MSI2: variants seen among roughly 807,000 people sequenced by gnomAD.
MSI2 encodes the protein musashi RNA binding protein 2, also known as RNA-binding protein Musashi homolog 2.
In MSI2, 17 loss-of-function variants were observed where a neutral mutation model predicts 45.6. That is an observed-to-expected ratio of 0.37 (90% CI 0.26 to 0.56). The LOEUF is 0.56. Among genes scored for constraint, MSI2 ranks in the 20% least tolerant of loss-of-function variants. The pLI, the probability that MSI2 is intolerant of heterozygous loss-of-function variation, is 0.77. For missense variants in MSI2, 293 were observed against 444.2 expected (o/e 0.66, Z 3.06); for synonymous variants, 156 against 158.2 (o/e 0.99, Z 0.11).
At chr17:57,545,261 C>T (rs999305191) in intron 7 of MSI2, among the ~76,000 whole-genome samples, 8 of 152,090 alleles carry the variant, frequency 5.3e-5, no homozygotes, top group African/African-American at 1.7e-4. Context: ...GTGAATTGAA[C>T]AGACAAAGAT....
chr17:57,351,002 G>A (rs747874005), intron 5 of MSI2, among the ~76,000 whole-genome samples: 52 of 152,230 alleles, frequency 3.4e-4, no homozygotes, highest in African/African-American at 9.6e-4. Context: ...AGGGGCAAGA[G>A]GAGGGAGCAG....
chr17:57,437,286 C>A (rs2084707426), intron 6 of MSI2, among the ~76,000 whole-genome samples: 1 of 152,076 alleles, frequency 6.6e-6, no homozygotes, highest in Non-Finnish European at 1.5e-5. Context: ...CCCTTTGGAA[C>A]AAAATGAAGT....
chr17:57,652,883 A>G lies in MSI2; in HGVS notation c.790+722A>G, dbSNP rs1911276175. On this transcript the variant is annotated intron_variant, in intron 11 of 13. Transcript: ENST00000284073. This position sits in a 1 kb window ranked among gnomAD's most constrained non-coding sequence, Gnocchi z 4.1. ...GTCAGGCCAGAGCTGGGATATGTCCAGGGTGCCCGGGGTCCCTTTTGTCCC... is the reference window on the plus strand; with the variant it reads ...GTCAGGCCAGAGCTGGGATATGTCCGGGGTGCCCGGGGTCCCTTTTGTCCC... Among the ~76,000 whole-genome samples the G allele has an allele frequency of 6.6e-6, 1 of 152,202 alleles. No homozygotes were observed. Among genetic ancestry groups the G allele is most frequent in the African/African-American group, 2.4e-5 (1 of 41,454 alleles).
At chr17:57,553,675 G>T (rs1443251647) in intron 7 of MSI2, among the ~76,000 whole-genome samples, 1 of 152,188 alleles carries the variant, frequency 6.6e-6, no homozygotes, top group Non-Finnish European at 1.5e-5. Context: ...GCAGAGAGGA[G>T]GGTGCACGGG....
intron 7 of MSI2, among the ~76,000 whole-genome samples, chr17:57,537,277 C>T (rs925213090): frequency 2.0e-5 from 3 of 152,086 alleles, no homozygotes; most frequent in Non-Finnish European, 2.9e-5. Flanking sequence ...TGCTGCGTGC[C>T]CACCGTGAGG....
chr17:57,403,139 T>G (rs912712486), intron 6 of MSI2, among the ~76,000 whole-genome samples: 2 of 152,220 alleles, frequency 1.3e-5, no homozygotes, highest in Non-Finnish European at 2.9e-5. Flanking sequence ...ATAACCTGCC[T>G]TGGAATCTCA....
At chr17:57,507,860 G>T (rs892566533) in intron 6 of MSI2, among the ~76,000 whole-genome samples, 1 of 152,162 alleles carries the variant, frequency 6.6e-6, no homozygotes, top group Non-Finnish European at 1.5e-5. Flanking sequence ...TGCCCAGACT[G>T]GTGTCGATCT....
chr17:57,390,089 AAG>A (rs1390030864), intron 5 of MSI2, among the ~76,000 whole-genome samples: 2 of 151,114 alleles, frequency 1.3e-5, no homozygotes, highest in Admixed American at 1.3e-4. Flanking sequence ...AAAAAAAAAA[AAG>A]AAAGAAAAGA....
chr17:57,697,645 G>T, the MSI2 span, among the ~76,000 whole-genome samples: 1 of 152,284 alleles, frequency 6.6e-6, no homozygotes, highest in African/African-American at 2.4e-5. Flanking sequence ...ACGGTCTCAC[G>T]TAGTTGGGGA....
At chr17:57,310,924 C>T (rs1912346969) in intron 5 of MSI2, among the ~76,000 whole-genome samples, 1 of 152,194 alleles carries the variant, frequency 6.6e-6, no homozygotes, top group Admixed American at 6.5e-5. Flanking sequence ...TGGCATATTG[C>T]CTGTTCTTTC....
At chr17:57,330,910 C>CTTTTTTT (rs375960048) in intron 5 of MSI2, among the ~76,000 whole-genome samples, 8 of 144,904 alleles carry the variant, frequency 5.5e-5, no homozygotes, top group South Asian at 4.2e-4. Context: ...AGGTTTTATT[C>CTTTTTTT]TTTTTTTTTG....
chr17:57,279,710 T>C (rs1909239695), intron 5 of MSI2: 1 of 152,236 alleles, frequency 6.6e-6, no homozygotes, highest in African/African-American at 2.4e-5. Flanking sequence ...AGTGGCACAA[T>C]CAAAGCTCAC....
intron 3 of MSI2, 115 bp from the exon 4 acceptor site, chr17:57,258,154 TG>T (rs1906991447): frequency 2.7e-6 from 2 of 753,710 alleles, no homozygotes; most frequent in Non-Finnish European, 4.6e-6. Context: ...GAGTGGGAGG[TG>T]GGGGTGCGTG....
At chr17:57,286,096 T>C (rs1001774050) in intron 5 of MSI2, 5 of 949,480 alleles carry the variant, frequency 5.3e-6, no homozygotes, top group Non-Finnish European at 7.2e-6. Flanking sequence ...CTTTATTTTT[T>C]CTTTCTTTCT....
At chr17:57,435,809 T>C (rs2143421275) in intron 6 of MSI2, among the ~76,000 whole-genome samples, 1 of 152,332 alleles carries the variant, frequency 6.6e-6, no homozygotes, top group Non-Finnish European at 1.5e-5. Context: ...ATTCATGTTT[T>C]ATGTGAAATT....
chr17:57,398,261 C>T (rs779694579), intron 5 of MSI2, among the ~76,000 whole-genome samples: 2 of 152,178 alleles, frequency 1.3e-5, no homozygotes, highest in South Asian at 2.1e-4. Flanking sequence ...GCTGTATACC[C>T]GCCCGACTCT....
chr17:57,535,294 CCTGGGTTCCTGAGCCCTGCACAG>C (rs1205010694), intron 7 of MSI2, among the ~76,000 whole-genome samples: 1 of 152,216 alleles, frequency 6.6e-6, no homozygotes, highest in Non-Finnish European at 1.5e-5. Flanking sequence ...ATTTCAGAGC[CCTGGGTTCCTGAGCCCTGCACAG>C]CTGGGTTCCT....
In MSI2 at chr17:57,675,003, G is replaced by A. The variant is rs541787255; in HGVS notation, c.822G>A (p.Pro274=). 8.6e-5 allele frequency: 138 copies of A among 1,613,556 alleles called. 1 individual carries two copies. In the South Asian group the frequency reaches 9.1e-4, roughly 11 times the overall value. ...GSNPARPGGF[P]GANSPGPVAD... ...ACCCGGCGCGGCCCGGAGGCTTCCC[G>A]GGGGCCAACAGCCCAGGACCTGTCG... is the stretch of plus-strand genomic sequence containing the variant. The change falls in exon 12 of 14, where the codon CCG becomes CCA. Residue 274 remains proline, a synonymous_variant. Coordinates refer to ENST00000284073, the MANE Select transcript of MSI2 (RefSeq NM_138962.4).
chr17:57,282,711 T>TGTTCCTTG, intron 5 of MSI2, among the ~76,000 whole-genome samples: 1 of 152,072 alleles, frequency 6.6e-6, no homozygotes, highest in South Asian at 2.1e-4. Flanking sequence ...CGTAGGTAGA[T>TGTTCCTTG]GTTCCTTGAG....
Sources: gnomAD v4.1 joint callset for allele counts (sites outside exome capture counted in the v4.1 genomes callset) on GRCh38, gnomAD v4.1.1 for gene constraint, Gnocchi (gnomAD v3.1) non-coding constraint, MANE v1.5 for transcripts, NCBI Gene and HGNC (gene_info 2026-07-23, HGNC 2026-07-21) for gene names.